Variants in NANOS3 observed in about 807,000 individuals in gnomAD.
NANOS3 encodes nanos homolog 3.
Under a neutral mutation model 13.8 loss-of-function variants are expected in NANOS3, and 11 were observed. The ratio of observed to expected loss-of-function variants is 0.80; its 90% CI spans 0.50 to 1.32. NANOS3 has a LOEUF of 1.32. Ranked by LOEUF, NANOS3 falls within the 40% of genes most tolerant of loss-of-function variation. NANOS3 has a pLI of 0.00. For missense variants in NANOS3, 221 were observed against 263.8 expected (o/e 0.84, Z 1.12); for synonymous variants, 119 against 115.4 (o/e 1.03, Z -0.20).
chr19:13,875,690 C>A (rs1420683481), upstream of NANOS3, among the ~76,000 whole-genome samples: 2 of 152,060 alleles, frequency 1.3e-5, no homozygotes, highest in African/African-American at 4.8e-5. Context: ...GAACCACGGG[C>A]ACGCACCACC....
intron 1 of NANOS3, among the ~76,000 whole-genome samples, chr19:13,870,829 C>T (rs1467624046): frequency 6.6e-6 from 1 of 151,614 alleles, no homozygotes; most frequent in Non-Finnish European, 1.5e-5. Context: ...ATCTGCCCGC[C>T]TCGGCCTCCC....
At chr19:13,862,781 C>G (rs565659563), upstream of NANOS3, among the ~76,000 whole-genome samples, 2 of 152,340 alleles carry the variant, frequency 1.3e-5, no homozygotes, top group South Asian at 4.1e-4. Flanking sequence ...TCGTGATCCG[C>G]CCGCCTCGGC....
upstream of NANOS3, among the ~76,000 whole-genome samples, chr19:13,872,901 T>TGCCGGGAGGCGGGAGGGGGGC (rs1276270592): frequency 1.5e-4 from 22 of 144,974 alleles, no homozygotes; most frequent in African/African-American, 5.5e-4. Context: ...CTCTAGAAGG[T>TGCCGGGAGGCGGGAGGGGGGC]GCCGGGAGGC....
At chr19:13,876,710 G>A (rs529993612), upstream of NANOS3, among the ~76,000 whole-genome samples, 26 of 150,822 alleles carry the variant, frequency 1.7e-4, 1 homozygote, top group African/African-American at 4.9e-4. Context: ...CACACACAAA[G>A]AACCCAGGGG....
intron 1 of NANOS3, chr19:13,865,587 C>G (rs1488425211): frequency 2.0e-5 from 3 of 147,878 alleles, no homozygotes; most frequent in Non-Finnish European, 3.0e-5. Flanking sequence ...CTCTGCGGCC[C>G]GGCCCTCCAT....
At chr19:13,874,075 T>C (rs1246618709), upstream of NANOS3, among the ~76,000 whole-genome samples, 5 of 152,134 alleles carry the variant, frequency 3.3e-5, no homozygotes, top group African/African-American at 1.2e-4. Flanking sequence ...GTTCAGATGC[T>C]GTGTGACCGC....
At chr19:13,872,067 C>T (rs777358425) in intron 1 of NANOS3, among the ~76,000 whole-genome samples, 31 of 151,604 alleles carry the variant, frequency 2.0e-4, no homozygotes, top group South Asian at 2.1e-4. Flanking sequence ...TTTAAAGAAA[C>T]GGGGTTTTAA....
chr19:13,879,418 C>T (rs1347301134), intron 1 of NANOS3, among the ~76,000 whole-genome samples: 1 of 152,208 alleles, frequency 6.6e-6, no homozygotes, highest in Admixed American at 6.5e-5. Flanking sequence ...TACTCTCAGG[C>T]AGCTTTGCAG....
Position 13,880,473 on chromosome 19 carries a change from GCCCTCCTGCTCT to G in NANOS3, c.556_567del (p.Cys186_Ser189del), listed in dbSNP as rs1350138110. 17 of 1,613,814 alleles carry G rather than the reference GCCCTCCTGCTCT, an allele frequency of 1.1e-5. No individual in the cohort carries two copies. Among genetic ancestry groups the G allele is most frequent in the Non-Finnish European group, 1.4e-5 (17 of 1,179,924 alleles). ...GAGGTGCCGGGAAGTCTGAGCCTTC[GCCCTCCTGCTCT>G]CCCTCCATGTCCACCTAGGAGGCTG... On this transcript the variant is annotated inframe_deletion, in exon 2 of 2. Transcript: ENST00000339133.
chr19:13,873,239 G>C (rs551064361), upstream of NANOS3, among the ~76,000 whole-genome samples: 3 of 150,814 alleles, frequency 2.0e-5, no homozygotes, highest in African/African-American at 7.3e-5. Context: ...CCTGGGCTGG[G>C]GCCTTGGCTG....
chr19:13,877,800 A>G (rs909352610), intron 1 of NANOS3, 35 bp downstream of exon 1: 12 of 1,521,956 alleles, frequency 7.9e-6, no homozygotes, highest in Non-Finnish European at 8.8e-6. Flanking sequence ...GACCTGTCCG[A>G]GGGTAGTGGC....
At chr19:13,871,282 C>T (rs1976323943) in intron 1 of NANOS3, among the ~76,000 whole-genome samples, 2 of 152,122 alleles carry the variant, frequency 1.3e-5, no homozygotes, top group Non-Finnish European at 1.5e-5. Flanking sequence ...GGTGCACGGG[C>T]TGGGCAGGAG....
upstream of NANOS3, among the ~76,000 whole-genome samples, chr19:13,864,107 C>A (rs756232593): frequency 6.6e-6 from 1 of 152,084 alleles, no homozygotes; most frequent in Non-Finnish European, 1.5e-5. Context: ...ATGTGACCTT[C>A]CTCTACCAGC....
rs1276240730 is a variant in NANOS3, at chr19:13,880,476, C to T, written c.552C>T (p.Pro184=). The part of the protein sequence containing the change: ...FRGAGKSEPS[P]SCSPSMST ...GTGCCGGGAAGTCTGAGCCTTCGCC[C>T]TCCTGCTCTCCCTCCATGTCCACCT... Residue 184 remains proline, a synonymous_variant, in exon 2 of 2, where the codon CCC becomes CCT. Coordinates refer to ENST00000339133, the MANE Select transcript of NANOS3 (RefSeq NM_001098622.3). 4 of 1,614,000 alleles carry T rather than the reference C, an allele frequency of 2.5e-6. No homozygotes were observed. The highest frequency in any genetic ancestry group is 1.1e-5 in the South Asian group (1 of 91,070).
upstream of NANOS3, among the ~76,000 whole-genome samples, chr19:13,876,928 G>A (rs773902205): frequency 6.6e-6 from 1 of 152,122 alleles, no homozygotes; most frequent in Non-Finnish European, 1.5e-5. Context: ...GTGTGTACGG[G>A]GGGCTGTGGT....
upstream of NANOS3, among the ~76,000 whole-genome samples, chr19:13,876,763 T>G (rs956109173): frequency 2.6e-5 from 4 of 152,212 alleles, no homozygotes; most frequent in African/African-American, 9.7e-5. Flanking sequence ...GAAAAAGTTA[T>G]AAAGAAGTTA....
chr19:13,862,858 G>A (rs1455389511), upstream of NANOS3, among the ~76,000 whole-genome samples: 4 of 152,198 alleles, frequency 2.6e-5, no homozygotes, highest in Admixed American at 1.3e-4. Flanking sequence ...TCTTACAGGC[G>A]GTACCACCTT....
chr19:13,867,643 C>T (rs1218568884), intron 1 of NANOS3, among the ~76,000 whole-genome samples: 1 of 151,878 alleles, frequency 6.6e-6, no homozygotes, highest in East Asian at 1.9e-4. Context: ...CTCACAGCAG[C>T]CTCAAACTCT....
At chr19:13,865,871 G>C (rs1976229998) in intron 1 of NANOS3, among the ~76,000 whole-genome samples, 1 of 151,494 alleles carries the variant, frequency 6.6e-6, no homozygotes, top group Non-Finnish European at 1.5e-5. Flanking sequence ...TTTGTTCTTG[G>C]GGGCGCGGGG....
Sources: gnomAD v4.1 joint callset for allele counts (sites outside exome capture counted in the v4.1 genomes callset) on GRCh38, gnomAD v4.1.1 for gene constraint, MANE v1.5 for transcripts, NCBI Gene and HGNC (gene_info 2026-07-23, HGNC 2026-07-21) for gene names.